DIAPH2: variants seen among roughly 807,000 people sequenced by gnomAD.
DIAPH2 encodes protein diaphanous homolog 2.
A neutral mutation model predicts 92.7 loss-of-function variants in DIAPH2; 35 were observed. The observed-to-expected ratio is 0.38, with a 90% CI of 0.29 to 0.50. The LOEUF is 0.50. Among genes scored for constraint, DIAPH2 ranks in the 20% least tolerant of loss-of-function variants. The pLI is 0.94. For synonymous variants in DIAPH2, 301 were observed against 280.4 expected (o/e 1.07, Z -0.73); for missense variants, 701 against 819.5 (o/e 0.86, Z 1.77).
intron 17 of DIAPH2, among the ~76,000 whole-genome samples, chrX:97,010,902 C>T (rs1172517824): frequency 4.5e-5 from 5 of 111,383 alleles, no homozygotes; most frequent in Non-Finnish European, 9.4e-5. Context: ...TTCTCTTTTT[C>T]CTTTAGTCTG....
At chrX:97,057,165 G>A (rs1382416266) in intron 17 of DIAPH2, among the ~76,000 whole-genome samples, 1 of 111,741 alleles carries the variant, frequency 8.9e-6, no homozygotes, top group East Asian at 2.8e-4. Context: ...GATGTGGAAC[G>A]TACAGGCAAT....
chrX:97,306,732 T>C (rs2068750641), intron 23 of DIAPH2, among the ~76,000 whole-genome samples: 1 of 112,068 alleles, frequency 8.9e-6, no homozygotes, highest in South Asian at 3.7e-4. Context: ...ACAAATTCAT[T>C]TCCTCGTGAG....
intron 26 of DIAPH2, among the ~76,000 whole-genome samples, chrX:97,458,427 A>G (rs181215773): frequency 9.4e-4 from 102 of 108,663 alleles, no homozygotes; most frequent in Non-Finnish European, 1.6e-3. Flanking sequence ...TGAAGCAACC[A>G]GGTCATTTGT....
At chrX:96,949,816 C>T (rs1467543940) in intron 15 of DIAPH2, among the ~76,000 whole-genome samples, 7 of 105,375 alleles carry the variant, frequency 6.6e-5, no homozygotes, top group South Asian at 4.5e-4. Context: ...GCCGAGATCC[C>T]GCCACTGCAC....
chrX:97,240,605 C>CA (rs774748522), intron 22 of DIAPH2, among the ~76,000 whole-genome samples: 1,256 of 67,849 alleles, frequency 0.019, 25 homozygotes, highest in African/African-American at 0.037. Context: ...GACTGCATCT[C>CA]AAAAAAAAAA....
At chrX:97,281,467 G>T in intron 23 of DIAPH2, among the ~76,000 whole-genome samples, 1 of 111,005 alleles carries the variant, frequency 9.0e-6, no homozygotes, top group Non-Finnish European at 1.9e-5. Context: ...GAAGGAGGCC[G>T]GGCGCAGTGG....
At chrX:96,948,577 C>A (rs185632152) in intron 14 of DIAPH2, among the ~76,000 whole-genome samples, 1 of 111,585 alleles carries the variant, frequency 9.0e-6, no homozygotes, top group African/African-American at 3.3e-5. Flanking sequence ...CTGTCTCAAA[C>A]GGTATGGGAT....
intron 24 of DIAPH2, among the ~76,000 whole-genome samples, chrX:97,367,422 A>C (rs1375698337): frequency 9.0e-6 from 1 of 111,700 alleles, no homozygotes; most frequent in Non-Finnish European, 1.9e-5. Context: ...CAGTGTCCTT[A>C]TTATTTCCAG....
At chrX:97,386,667 CAAAAT>C (rs1016182734) in intron 25 of DIAPH2, among the ~76,000 whole-genome samples, 3 of 103,257 alleles carry the variant, frequency 2.9e-5, no homozygotes, top group African/African-American at 1.1e-4. Flanking sequence ...GACTCTGTCT[CAAAAT>C]AAAAAAAAAA....
chrX:96,916,425 T>TTC lies in DIAPH2; in HGVS notation c.733-12_733-11insCT, dbSNP rs888930383. 9.5e-6 allele frequency: 10 copies of TTC among 1,053,269 alleles called. No individual in the cohort carries two copies. The highest frequency in any genetic ancestry group is 3.8e-5 in the Admixed American group (1 of 26,585). The allele number at this position is 1,053,269 out of a possible 1,213,427, so 86.8% of individuals were successfully genotyped here. On this transcript the variant is annotated splice_polypyrimidine_tract_variant and intron_variant, in intron 7 of 26. Transcript: ENST00000324765. ...AGACATTCTGAATGAAGGTTTTTTT[T>TTC]TTTTTTTTTTAGTTTGGATTACAAA...
chrX:97,458,990 A>G (rs2070434708), intron 26 of DIAPH2, among the ~76,000 whole-genome samples: 2 of 111,776 alleles, frequency 1.8e-5, no homozygotes, highest in Admixed American at 1.9e-4. Flanking sequence ...TTGGTCCTCT[A>G]TTAACTTCTA....
In DIAPH2 at chrX:97,462,846, TA is replaced by T. The variant is rs1176874665; in HGVS notation, c.3241+33114del. Among the ~76,000 whole-genome samples, 603 of 101,777 alleles carry T rather than the reference TA, an allele frequency of 5.9e-3. 3 individuals carry two copies. The highest frequency in any genetic ancestry group is 0.016 in the African/African-American group (457 of 28,278). 88.4% of individuals were successfully genotyped at this position (101,777 alleles called of 115,157 possible). ...TGCTGCAACAGAGTGTGAGAACACT[TA>T]AAAAAAAAAAAAGTTTGAAATGAGA... is the stretch of plus-strand genomic sequence containing the variant. On this transcript the variant is annotated intron_variant, in intron 26 of 26. Coordinates refer to ENST00000324765, the MANE Select transcript of DIAPH2 (RefSeq NM_006729.5).
chrX:96,779,559 A>G (rs1180277395), intron 4 of DIAPH2, among the ~76,000 whole-genome samples: 1 of 112,213 alleles, frequency 8.9e-6, no homozygotes, highest in Non-Finnish European at 1.9e-5. Context: ...TGAATATCTT[A>G]AACATTAAAA....
intron 1 of DIAPH2, among the ~76,000 whole-genome samples, chrX:96,718,026 A>G (rs1020076460): frequency 3.8e-5 from 4 of 106,287 alleles, no homozygotes; most frequent in Non-Finnish European, 3.9e-5. Flanking sequence ...TGATTGTGCT[A>G]TCAAATACTA....
intron 19 of DIAPH2, among the ~76,000 whole-genome samples, chrX:97,087,914 A>G (rs2066795122): frequency 9.0e-6 from 1 of 111,036 alleles, no homozygotes; most frequent in South Asian, 3.8e-4. Flanking sequence ...ATCCCAGCTC[A>G]TCATGCATTC....
intron 25 of DIAPH2, among the ~76,000 whole-genome samples, chrX:97,414,929 A>G (rs748389010): frequency 2.7e-5 from 3 of 111,589 alleles, no homozygotes; most frequent in African/African-American, 9.8e-5. Context: ...AAGCTACAGA[A>G]TGGGAGAAAA....
intron 4 of DIAPH2, among the ~76,000 whole-genome samples, chrX:96,764,373 A>G (rs772998442): frequency 4.5e-5 from 5 of 110,589 alleles, no homozygotes; most frequent in African/African-American, 1.6e-4. Context: ...CCTGAAGAGA[A>G]CCAAACCATG....
At chrX:97,045,517 A>G (rs1197634245) in intron 17 of DIAPH2, among the ~76,000 whole-genome samples, 1 of 111,715 alleles carries the variant, frequency 9.0e-6, no homozygotes, top group East Asian at 2.8e-4. Context: ...AAAAAATTAC[A>G]GGATAGAAGC....
At chrX:97,225,518 C>T (rs1177082835) in intron 22 of DIAPH2, among the ~76,000 whole-genome samples, 1 of 111,576 alleles carries the variant, frequency 9.0e-6, no homozygotes, top group Non-Finnish European at 1.9e-5. Context: ...TAACTGACCT[C>T]TTTGATTAAT....
Sources: gnomAD v4.1 joint callset for allele counts (sites outside exome capture counted in the v4.1 genomes callset) on GRCh38, gnomAD v4.1.1 for gene constraint, MANE v1.5 for transcripts, NCBI Gene and HGNC (gene_info 2026-07-23, HGNC 2026-07-21) for gene names.